Variants in TEP1 observed in about 807,000 individuals in gnomAD.
TEP1 encodes telomerase associated protein 1, also known as telomerase protein component 1.
A neutral mutation model predicts 306.3 loss-of-function variants in TEP1; 241 were observed. The ratio of observed to expected loss-of-function variants is 0.79; its 90% confidence interval spans 0.71 to 0.88. TEP1 has a LOEUF of 0.88. TEP1 is among the 40% of genes least tolerant of loss of function. The pLI, the probability that TEP1 is intolerant of heterozygous loss-of-function variation, is 0.00. For synonymous variants in TEP1, 1,289 were observed against 1,305.5 expected, an observed-to-expected ratio of 0.99 and a Z score of 0.27; for missense variants, 3,051 against 3,276.1, an observed-to-expected ratio of 0.93 and a Z score of 1.68.
At position 20,381,308 on chromosome 14, in the gene TEP1, CTAACCAGGTGG is replaced by C; in HGVS notation, c.4641_4647+4del. 1 of 1,614,140 alleles carries C rather than the reference CTAACCAGGTGG, an allele frequency of 6.2e-7. No individual in the cohort carries two copies. The highest frequency in any genetic ancestry group is 8.5e-7 in the Non-Finnish European group (1 of 1,179,992). On this transcript the variant is annotated splice_donor_variant and splice_donor_region_variant and coding_sequence_variant and intron_variant, in exon 32 of 55. Coordinates refer to ENST00000262715, the MANE Select transcript of TEP1 (RefSeq NM_007110.5). LOFTEE classifies it high-confidence loss of function. The surrounding 1 kb of genome is among the most constrained non-coding windows in gnomAD (Gnocchi z 4.0). ...GAAAGGTGTCTATGGGGTCTAGGAA[CTAACCAGGTGG>C]TAAGGCAGGTCTCCCAGAGCCTCAG...
chr14:20,400,859 C>G lies in TEP1; in HGVS notation c.1549+125G>C, dbSNP rs182283308. On this transcript the variant is annotated intron_variant, in intron 9 of 54. Coordinates refer to ENST00000262715, the MANE Select transcript of TEP1 (RefSeq NM_007110.5). ...GTAGTCAATGGCAGACCTTATAAAT[C>G]AAATACAACAACCAGGCAAAGTAAT... 5 of 1,189,234 alleles carry G rather than the reference C, an allele frequency of 4.2e-6. No individual in the cohort carries two copies. The African/African-American group carries it at 6.5e-5, about 15-fold the overall frequency. 73.7% of individuals were successfully genotyped at this position (1,189,234 alleles called of 1,614,324 possible).
chr14:20,395,658 G>A, intron 11 of TEP1, 31 bp from the exon 12 acceptor site: 1 of 1,579,552 alleles, frequency 6.3e-7, no homozygotes, highest in Non-Finnish European at 8.7e-7. Flanking sequence ...TTCCGAGTTA[G>A]GCAGCTTCTA....
In TEP1 at chr14:20,401,509, G is replaced by A. The variant is rs750018411; in HGVS notation, c.1339C>T (p.Arg447Ter). ...TGGGCAGGCTTGTGGATGTGCAGTC[G>A]CTGAACCAGCTTCTTCAGGGTGAAC... ...PRFTLKKLVQ[R>*]LHIHKPAQHV... is the part of the protein sequence containing the mutation. The change falls in exon 8 of 55, where the codon CGA (arginine) becomes TGA (stop). Residue 447 changes from arginine (R) to a stop codon, truncating the protein, a stop_gained. Coordinates refer to ENST00000262715, the MANE Select transcript of TEP1 (RefSeq NM_007110.5). LOFTEE classifies it high-confidence loss of function. 27 of 1,614,074 alleles carry A rather than the reference G, an allele frequency of 1.7e-5. No homozygotes were observed. The highest frequency in any genetic ancestry group is 3.3e-5 in the Admixed American group (2 of 60,004).
chr14:20,392,381 A>G lies in TEP1; in HGVS notation c.1929-614T>C, dbSNP rs187950110. Among the ~76,000 whole-genome samples the G allele has an allele frequency of 2.0e-3, 304 of 151,894 alleles. 1 individual carries two copies. The highest frequency in any genetic ancestry group is 0.01 in the Middle Eastern group (3 of 294). Reference sequence around the variant, plus strand: ...CCTAGAAGTGCTGATCAACATTAGCATTACTGAGTAGTGGTCCCACTTAAA... The same window carrying G: ...CCTAGAAGTGCTGATCAACATTAGCGTTACTGAGTAGTGGTCCCACTTAAA... On this transcript the variant is annotated intron_variant, in intron 12 of 54. Coordinates refer to ENST00000262715, the MANE Select transcript of TEP1 (RefSeq NM_007110.5).
intron 12 of TEP1, 55 bp downstream of exon 12, chr14:20,395,395 T>C: frequency 6.7e-7 from 1 of 1,488,784 alleles, no homozygotes; most frequent in Non-Finnish European, 9.0e-7. Flanking sequence ...ACTTCCAACC[T>C]GTGCCAGGGT....
rs1343967028 is a variant in TEP1 at position 20,371,206 on chromosome 14, A to C, written c.7317+12T>G. On this transcript the variant is annotated intron_variant, in intron 51 of 54. Transcript: ENST00000262715. ...GAATGTTTGCTTTAGCACACACTCA[A>C]ATAGGACTTACCAAGAAAGAAAGAA... 1 of 1,609,820 alleles carries C rather than the reference A, an allele frequency of 6.2e-7. No individual in the cohort carries two copies. Among genetic ancestry groups the C allele is most frequent in the Non-Finnish European group, 8.5e-7 (1 of 1,176,134 alleles).
chr14:20,402,311 A>G (rs1878821808), intron 7 of TEP1, among the ~76,000 whole-genome samples: 1 of 152,194 alleles, frequency 6.6e-6, no homozygotes, highest in African/African-American at 2.4e-5. Context: ...TCGTCTCAAA[A>G]ATAAATAAAT....
intron 9 of TEP1, 93 bp from the exon 10 acceptor site, chr14:20,396,823 A>G: frequency 1.2e-6 from 1 of 850,086 alleles, no homozygotes; most frequent in African/African-American, 1.7e-5. Context: ...GGAGGCTGAG[A>G]CAGAAGGATC....
intron 9 of TEP1, 113 bp downstream of exon 9, chr14:20,400,871 C>T (rs1335869988): frequency 1.5e-6 from 2 of 1,324,702 alleles, no homozygotes; most frequent in African/African-American, 1.5e-5. Flanking sequence ...AATACAACAA[C>T]CAGGCAAAGT....
intron 5 of TEP1, 102 bp from the exon 6 acceptor site, chr14:20,403,986 G>A (rs965047928): frequency 2.9e-5 from 43 of 1,484,784 alleles, no homozygotes; most frequent in African/African-American, 1.4e-4. Context: ...ACAGAGTAGC[G>A]AGCAAGTTCC....
intron 18 of TEP1, among the ~76,000 whole-genome samples, chr14:20,387,508 C>T (rs552236614): frequency 6.7e-6 from 1 of 149,080 alleles, no homozygotes; most frequent in African/African-American, 2.5e-5. Flanking sequence ...GCCGAGATCA[C>T]GCCACTGTAC....
At chr14:20,390,795 G>A in intron 14 of TEP1, 37 bp from the exon 15 acceptor site, 1 of 1,613,294 alleles carries the variant, frequency 6.2e-7, no homozygotes, top group South Asian at 1.1e-5. Context: ...TGGTTGCACA[G>A]TAAGCGACAA....
Position 20,402,505 on chromosome 14 carries a change from C to T in TEP1, c.1266+872G>A, listed in dbSNP as rs533622232. Among the ~76,000 whole-genome samples the T allele has an allele frequency of 8.5e-5, 13 of 152,264 alleles. No individual in the cohort carries two copies. In the East Asian group the frequency reaches 2.3e-3, roughly 27 times the overall value. On this transcript the variant is annotated intron_variant, in intron 7 of 54. Coordinates refer to ENST00000262715, the MANE Select transcript of TEP1 (RefSeq NM_007110.5). ...TAACGATGATGGTAGTGATAGCTAA[C>T]ACTTATTTACTTCCAGGAATTGTTA...
chr14:20,368,964 T>A (rs1884650601), intron 53 of TEP1, 62 bp from the exon 54 acceptor site: 6 of 1,218,104 alleles, frequency 4.9e-6, no homozygotes, highest in Non-Finnish European at 6.0e-6. Context: ...CAGAGAAGCA[T>A]CACAATGTGC....
Position 20,372,855 on chromosome 14 carries a change from A to G in TEP1, c.6954T>C (p.Ala2318=). ...QEAKAVATAQ[A]PGHIGALIWS... ...AGATCAGAGCACCAATGTGGCCTGG[A>G]GCCTGGTGTACACAACAAGTTCAAT... Residue 2318 remains alanine (A), a splice_region_variant and synonymous_variant, in exon 49 of 55, where the codon GCT becomes GCC. Coordinates refer to ENST00000262715, the MANE Select transcript of TEP1 (RefSeq NM_007110.5). 1.2e-6 allele frequency: 2 copies of G among 1,614,174 alleles called. No homozygotes were observed. Among genetic ancestry groups the G allele is most frequent in the Non-Finnish European group, 1.7e-6 (2 of 1,180,042 alleles).
chr14:20,388,273 C>T (rs1357765480), intron 17 of TEP1, among the ~76,000 whole-genome samples: 6 of 152,222 alleles, frequency 3.9e-5, no homozygotes, highest in African/African-American at 1.4e-4. Flanking sequence ...AAGCCCAGCT[C>T]TAGCCCCTCC....
rs769207798 is a variant in TEP1 at position 20,373,633 on chromosome 14, AAAG to A, written c.6604+42_6604+44del. ...AGAAGAAGGGACGGAGCAGGGGAGAAAAGAAGAGACAGCAGGGAAGGGGAGGTG... is the reference window on the plus strand; with the variant it reads ...AGAAGAAGGGACGGAGCAGGGGAGAAAAGAGACAGCAGGGAAGGGGAGGTG... On this transcript the variant is annotated intron_variant, in intron 45 of 54. Coordinates refer to ENST00000262715, the MANE Select transcript of TEP1 (RefSeq NM_007110.5). 5.0e-6 allele frequency: 8 copies of A among 1,614,046 alleles called. No homozygotes were observed. The African/African-American group carries it at 9.3e-5, about 19-fold the overall frequency.
chr14:20,390,802 A>G (rs1474421033), intron 14 of TEP1, 44 bp from the exon 15 acceptor site: 3 of 1,613,366 alleles, frequency 1.9e-6, no homozygotes, highest in Non-Finnish European at 2.5e-6. Context: ...ACAGTAAGCG[A>G]CAAACACTGC....
In TEP1 at chr14:20,385,762, T is replaced by A. The variant is rs1027272527; in HGVS notation, c.2982+313A>T. ...TAGGGAAATGGAGGCTAGGTCAGAGTAAGCTGCATCACACAAAGCCACACA... is the reference window on the plus strand; with the variant it reads ...TAGGGAAATGGAGGCTAGGTCAGAGAAAGCTGCATCACACAAAGCCACACA... On this transcript the variant is annotated intron_variant, in intron 20 of 54. Coordinates refer to ENST00000262715, the MANE Select transcript of TEP1 (RefSeq NM_007110.5). Among the ~76,000 whole-genome samples, 5 of 152,242 alleles carry A rather than the reference T, an allele frequency of 3.3e-5. No homozygotes were observed. The East Asian group carries it at 9.6e-4, about 29-fold the overall frequency.
Sources: gnomAD v4.1 joint callset for allele counts (sites outside exome capture counted in the v4.1 genomes callset) on GRCh38, gnomAD v4.1.1 for gene constraint, Gnocchi (gnomAD v3.1) non-coding constraint, MANE v1.5 for transcripts, NCBI Gene and HGNC (gene_info 2026-07-23, HGNC 2026-07-21) for gene names.